Variants in SPAG16 observed in about 807,000 individuals in gnomAD.
SPAG16 encodes sperm associated antigen 16.
Under a neutral mutation model 80.4 loss-of-function variants are expected in SPAG16, and 86 were observed. The observed-to-expected ratio is 1.07, with a 90% confidence interval of 0.90 to 1.28. The LOEUF (loss-of-function observed/expected upper bound fraction) is 1.28. Ranked by LOEUF, SPAG16 falls within the 50% of genes most tolerant of loss-of-function variation. The pLI is 0.00. For missense variants in SPAG16, 870 were observed against 765.3 expected, an observed-to-expected ratio of 1.14 and a Z score of -1.61; for synonymous variants, 294 against 265.9, an observed-to-expected ratio of 1.11 and a Z score of -1.03.
Position 213,551,246 on chromosome 2 carries a change from T to C in SPAG16, c.1070+61156T>C, listed in dbSNP as rs765895646. 4.7e-4 allele frequency among the ~76,000 whole-genome samples: 71 copies of C among 152,292 alleles called. No homozygotes were observed. The Middle Eastern group carries it at 0.01, about 22-fold the overall frequency. On this transcript the variant is annotated intron_variant, in intron 10 of 15. Coordinates refer to ENST00000331683, the MANE Select transcript of SPAG16 (RefSeq NM_024532.5). ...ATTCAGAAGGCTTTTCTCCCAACTT[T>C]TGGACCAAGTAGTCTGGACCAAGAT...
At position 213,825,823 on chromosome 2, in the gene SPAG16, A is replaced by G. The variant is rs116102288; in HGVS notation, c.1071-36662A>G. On this transcript the variant is annotated intron_variant, in intron 10 of 15. Coordinates refer to ENST00000331683, the MANE Select transcript of SPAG16 (RefSeq NM_024532.5). ...CCCCTATTTCTTGGGATAGTTTTAG[A>G]GGGATTGGTATTAGGTCTTCTTTAA... Among the ~76,000 whole-genome samples, 127 of 149,742 alleles carry G rather than the reference A, an allele frequency of 8.5e-4. 1 individual carries two copies. Among genetic ancestry groups the G allele is most frequent in the African/African-American group, 3.0e-3 (123 of 40,628 alleles).
chr2:213,296,231 T>G, intron 2 of SPAG16, 121 bp downstream of exon 2: 2 of 678,386 alleles, frequency 2.9e-6, no homozygotes. Context: ...TACCAGTTTT[T>G]CAACTGAATT....
At chr2:213,336,214 G>A (rs2064351915) in intron 5 of SPAG16, among the ~76,000 whole-genome samples, 1 of 152,156 alleles carries the variant, frequency 6.6e-6, no homozygotes, top group South Asian at 2.1e-4. Flanking sequence ...GCGAGCCCAC[G>A]CCACCAGGGC....
At chr2:213,519,636 G>T (rs891551400) in intron 10 of SPAG16, among the ~76,000 whole-genome samples, 1 of 152,108 alleles carries the variant, frequency 6.6e-6, no homozygotes, top group Non-Finnish European at 1.5e-5. Context: ...GTCTTTATCA[G>T]TAGCATGAAA....
At chr2:213,373,833 A>G (rs2066761578) in intron 8 of SPAG16, among the ~76,000 whole-genome samples, 1 of 152,244 alleles carries the variant, frequency 6.6e-6, no homozygotes, top group South Asian at 2.1e-4. Context: ...GGACATTATA[A>G]TAGTAAAAGA....
intron 13 of SPAG16, among the ~76,000 whole-genome samples, chr2:214,085,298 G>C (rs1304096933): frequency 6.6e-6 from 1 of 151,424 alleles, no homozygotes; most frequent in African/African-American, 2.4e-5. Flanking sequence ...CTTGAACCCA[G>C]GAGACGGAGG....
At chr2:213,963,093 CT>C (rs61193296) in intron 12 of SPAG16, among the ~76,000 whole-genome samples, 4,171 of 140,584 alleles carry the variant, frequency 0.03, 186 homozygotes, top group African/African-American at 0.1. Context: ...TTAGTTTGCT[CT>C]TTTTTTTTTT....
chr2:214,072,842 G>GT (rs1346854429), intron 13 of SPAG16, among the ~76,000 whole-genome samples: 2 of 152,092 alleles, frequency 1.3e-5, no homozygotes, highest in African/African-American at 4.8e-5. Context: ...ACAAACATCA[G>GT]TTTTTTAATT....
rs1437773104 is a variant in SPAG16 at position 213,340,171 on chromosome 2, GAGA to G, written c.549_551del (p.Glu183del). The G allele has an allele frequency of 4.4e-6, 7 of 1,605,960 alleles. No individual in the cohort carries two copies. The highest frequency in any genetic ancestry group is 5.1e-6 in the Non-Finnish European group (6 of 1,175,274). The stretch of plus-strand genomic sequence containing the variant: ...TACTATTTTTTTTTCAGCAAAGCTA[GAGA>G]AGATTTGCTGAAAATTCAGAAAGAA... On this transcript the variant is annotated inframe_deletion, in exon 6 of 16. Coordinates refer to ENST00000331683, the MANE Select transcript of SPAG16 (RefSeq NM_024532.5).
intron 10 of SPAG16, among the ~76,000 whole-genome samples, chr2:213,769,232 T>C (rs1051340440): frequency 1.3e-5 from 2 of 152,198 alleles, no homozygotes; most frequent in Non-Finnish European, 2.9e-5. Context: ...TAATTTTATA[T>C]TACCAATTCT....
At chr2:214,153,677 A>G (rs2056086699) in intron 15 of SPAG16, among the ~76,000 whole-genome samples, 1 of 152,182 alleles carries the variant, frequency 6.6e-6, no homozygotes. Context: ...GGAAAGCATA[A>G]GTATTAATAA....
At chr2:213,346,327 G>A (rs1488602323) in intron 6 of SPAG16, among the ~76,000 whole-genome samples, 8 of 152,088 alleles carry the variant, frequency 5.3e-5, no homozygotes, top group Admixed American at 2.0e-4. Context: ...TCATCTGCAA[G>A]CAGGGACAAT....
At chr2:213,741,311 C>G (rs904318284) in intron 10 of SPAG16, among the ~76,000 whole-genome samples, 45 of 152,006 alleles carry the variant, frequency 3.0e-4, no homozygotes, top group African/African-American at 1.1e-3. Context: ...AAGTTAAGGA[C>G]AGACAGATTG....
rs567640841 is a variant in SPAG16 at position 214,235,397 on chromosome 2, A to G, written c.1720+86131A>G. Among the ~76,000 whole-genome samples, 4 of 152,276 alleles carry G rather than the reference A, an allele frequency of 2.6e-5. No homozygotes were observed. The South Asian group carries it at 8.3e-4, about 32-fold the overall frequency. On this transcript the variant is annotated intron_variant, in intron 15 of 15. Coordinates refer to ENST00000331683, the MANE Select transcript of SPAG16 (RefSeq NM_024532.5). Reference sequence around the variant, plus strand: ...TATTTACTCCTGAAATAAATATTATACCATATTTATTGGTATGATATTTAA... The same window carrying G: ...TATTTACTCCTGAAATAAATATTATGCCATATTTATTGGTATGATATTTAA...
intron 9 of SPAG16, among the ~76,000 whole-genome samples, chr2:213,412,301 C>T (rs543905884): frequency 2.6e-5 from 4 of 152,306 alleles, no homozygotes; most frequent in Admixed American, 6.5e-5. Flanking sequence ...AATAGGGGAA[C>T]AACACAGCAG....
chr2:214,384,444 T>C (rs1183596132), intron 15 of SPAG16, among the ~76,000 whole-genome samples: 1 of 152,142 alleles, frequency 6.6e-6, no homozygotes, highest in Non-Finnish European at 1.5e-5. Context: ...ATGTCTCCAG[T>C]GTGACATTTT....
chr2:213,593,746 CTTTTTTTTTTTTTTTTTTTTTTTTTT>C (rs541949006), intron 10 of SPAG16, among the ~76,000 whole-genome samples: 1,076 of 50,148 alleles, frequency 0.021, 18 homozygotes, highest in South Asian at 0.065. Flanking sequence ...CCCACCACAT[CTTTTTTTTTTTTTTTTTTTTTTTTTT>C]TTTTTTTTTT....
chr2:213,990,937 C>G (rs2046248227), intron 12 of SPAG16, among the ~76,000 whole-genome samples: 1 of 152,174 alleles, frequency 6.6e-6, no homozygotes, highest in Admixed American at 6.5e-5. Context: ...ACAGCAGTAG[C>G]TTACAGGGAT....
chr2:213,532,094 T>C (rs1049576878), intron 10 of SPAG16, among the ~76,000 whole-genome samples: 1 of 152,230 alleles, frequency 6.6e-6, no homozygotes, highest in East Asian at 1.9e-4. Context: ...AAAATTCTGG[T>C]TTGTAAAATT....
Sources: allele counts gnomAD v4.1 joint callset (sites outside exome capture counted in the v4.1 genomes callset), GRCh38; gene constraint gnomAD v4.1.1; transcripts MANE v1.5; gene names NCBI Gene and HGNC (gene_info 2026-07-23, HGNC 2026-07-21).